PCDHGA3: variants seen among roughly 807,000 people sequenced by gnomAD.
PCDHGA3 encodes the protein protocadherin gamma subfamily A, 3.
A neutral mutation model predicts 58.5 loss-of-function variants in PCDHGA3; 40 were observed. The ratio of observed to expected loss-of-function variants is 0.68; its 90% confidence interval spans 0.53 to 0.89. PCDHGA3 has a LOEUF of 0.89. Ranked by LOEUF, PCDHGA3 falls within the 40% of genes least tolerant of loss-of-function variation. The pLI, the probability that PCDHGA3 is intolerant of heterozygous loss-of-function variation, is 0.00. For synonymous variants in PCDHGA3, 530 were observed against 525.7 expected (o/e 1.01, Z -0.11); for missense variants, 1,223 against 1,195.9 (o/e 1.02, Z -0.33).
At chr5:141,360,192 C>G (rs754322623) in intron 1 of PCDHGA3, 2 of 1,611,798 alleles carry the variant, frequency 1.2e-6, no homozygotes, top group Non-Finnish European at 1.7e-6. Context: ...TACTGTTGCC[C>G]TTCCTGTTGT....
chr5:141,437,512 G>A (rs1201910374), intron 1 of PCDHGA3, among the ~76,000 whole-genome samples: 2 of 152,144 alleles, frequency 1.3e-5, no homozygotes, highest in African/African-American at 2.4e-5. Flanking sequence ...TGAATTATAA[G>A]GCTGATGACA....
At chr5:141,430,581 C>A in intron 1 of PCDHGA3, 1 of 483,436 alleles carries the variant, frequency 2.1e-6, no homozygotes, top group Non-Finnish European at 3.4e-6. Context: ...GGAGATCCTG[C>A]TCGCCTTGCA....
intron 1 of PCDHGA3, chr5:141,394,094 A>G (rs759909698): frequency 6.2e-7 from 1 of 1,613,934 alleles, no homozygotes; most frequent in Admixed American, 1.7e-5. Context: ...CCTCAGATCT[A>G]GGAACACCAC....
chr5:141,438,074 T>C (rs963146682), intron 1 of PCDHGA3, among the ~76,000 whole-genome samples: 10 of 152,116 alleles, frequency 6.6e-5, no homozygotes, highest in African/African-American at 2.4e-4. Flanking sequence ...CCATACTTAA[T>C]GGAAAATTAC....
intron 1 of PCDHGA3, among the ~76,000 whole-genome samples, chr5:141,471,107 G>T (rs1023848236): frequency 1.3e-5 from 2 of 148,554 alleles, no homozygotes; most frequent in East Asian, 2.0e-4. Context: ...AGAGTGCAGT[G>T]GTGCGATCTT....
intron 1 of PCDHGA3, chr5:141,365,242 A>G (rs536146431): frequency 6.2e-7 from 1 of 1,613,960 alleles, no homozygotes; most frequent in Admixed American, 1.7e-5. Flanking sequence ...TCTCAACTCT[A>G]CAATCACTGG....
intron 1 of PCDHGA3, chr5:141,374,067 T>A: frequency 1.3e-6 from 2 of 1,500,346 alleles, no homozygotes; most frequent in Non-Finnish European, 1.8e-6. Context: ...CCCAGAGAAG[T>A]TCCTAATAAG....
chr5:141,388,941 C>T (rs191165529), intron 1 of PCDHGA3: 9 of 1,613,962 alleles, frequency 5.6e-6, no homozygotes, highest in Admixed American at 5.0e-5. Context: ...TCTACCCAAC[C>T]TAATTATGGA....
At chr5:141,409,013 G>T in intron 1 of PCDHGA3, 1 of 1,613,998 alleles carries the variant, frequency 6.2e-7, no homozygotes. Flanking sequence ...TGACCAGGAT[G>T]AGGGGGTCAA....
At chr5:141,411,423 CA>C (rs200531177) in intron 1 of PCDHGA3, 3 of 147,666 alleles carry the variant, frequency 2.0e-5, no homozygotes, top group Admixed American at 6.8e-5. Context: ...ACAACAACAA[CA>C]AAAAAAAACA....
At chr5:141,418,418 G>C (rs1366605966) in intron 1 of PCDHGA3, 1 of 1,613,998 alleles carries the variant, frequency 6.2e-7, no homozygotes, top group East Asian at 2.2e-5. Flanking sequence ...AGACAATCCT[G>C]ATGGTGGCAA....
chr5:141,459,580 G>C (rs1364413383), intron 1 of PCDHGA3, among the ~76,000 whole-genome samples: 1 of 152,118 alleles, frequency 6.6e-6, no homozygotes, highest in Non-Finnish European at 1.5e-5. Flanking sequence ...GAATTGTTTT[G>C]GGGGTCATAT....
chr5:141,418,776 C>G (rs763308217), intron 1 of PCDHGA3: 1 of 1,613,806 alleles, frequency 6.2e-7, no homozygotes, highest in East Asian at 2.2e-5. Flanking sequence ...ACTCAGCAGC[C>G]TTTGGATTTT....
chr5:141,375,181 C>T (rs868598149), intron 1 of PCDHGA3: 1 of 1,613,954 alleles, frequency 6.2e-7, no homozygotes, highest in Non-Finnish European at 8.5e-7. Flanking sequence ...GAACAGTAAT[C>T]GCCCTTTTTC....
At chr5:141,442,417 T>A (rs2098323611) in intron 1 of PCDHGA3, 1 of 152,152 alleles carries the variant, frequency 6.6e-6, no homozygotes, top group Non-Finnish European at 1.5e-5. Flanking sequence ...TGAGTGAACT[T>A]CTTTTTTGAA....
At chr5:141,393,458 G>T (rs181214352) in intron 1 of PCDHGA3, 4 of 1,613,902 alleles carry the variant, frequency 2.5e-6, no homozygotes, top group Non-Finnish European at 3.4e-6. Context: ...TCACGGCCTC[G>T]GATGGCGGCA....
Position 141,491,590 on chromosome 5 carries a change from G to A in PCDHGA3, c.2425-3217G>A, listed in dbSNP as rs376104513. ...GACGTGCTTTTCACCGGCCTCGGAC[G>A]GCAGTGACTTCACTTTTCTAAGACC... On this transcript the variant is annotated intron_variant, in intron 1 of 3. Transcript: ENST00000253812. The surrounding 1 kb of genome is among the most constrained non-coding windows in gnomAD (Gnocchi z 6.9). 15 of 1,613,828 alleles carry A rather than the reference G, an allele frequency of 9.3e-6. No homozygotes were observed. In the African/African-American group the frequency reaches 2.0e-4, roughly 22 times the overall value.
At chr5:141,376,382 C>T in intron 1 of PCDHGA3, 2 of 1,614,230 alleles carry the variant, frequency 1.2e-6, no homozygotes, top group Non-Finnish European at 1.7e-6. Flanking sequence ...GCGTAAGAGT[C>T]ATCTGATTTT....
intron 1 of PCDHGA3, chr5:141,433,153 A>G (rs896611410): frequency 3.1e-6 from 5 of 1,613,482 alleles, no homozygotes; most frequent in African/African-American, 2.7e-5. Flanking sequence ...GTGATTCGGT[A>G]TTTTCTAAAG....
Sources: allele counts gnomAD v4.1 joint callset (sites outside exome capture counted in the v4.1 genomes callset), GRCh38; gene constraint gnomAD v4.1.1; non-coding constraint Gnocchi (gnomAD v3.1); transcripts MANE v1.5; gene names NCBI Gene and HGNC (gene_info 2026-07-23, HGNC 2026-07-21).